INPP4A: variants seen among roughly 807,000 people sequenced by gnomAD.
The protein encoded by INPP4A is inositol polyphosphate-4-phosphatase, type I, 107kD.
Under a neutral mutation model 119.8 loss-of-function variants are expected in INPP4A, and 33 were observed. That is an observed-to-expected ratio of 0.28 (90% CI 0.21 to 0.37). The LOEUF is 0.37. Ranked by LOEUF, INPP4A falls within the 10% of genes least tolerant of loss-of-function variation. INPP4A has a pLI of 1.00. For missense variants in INPP4A, 956 were observed against 1,289.9 expected, an observed-to-expected ratio of 0.74 and a Z score of 3.97; for synonymous variants, 496 against 500.7, an observed-to-expected ratio of 0.99 and a Z score of 0.12.
chr2:98,535,372 C>T (rs990117370), intron 5 of INPP4A, among the ~76,000 whole-genome samples: 1 of 152,208 alleles, frequency 6.6e-6, no homozygotes, highest in African/African-American at 2.4e-5. Context: ...ACACATTACA[C>T]TTTAAGTTAT....
chr2:98,529,501 C>T (rs955569123), intron 4 of INPP4A, among the ~76,000 whole-genome samples: 6 of 151,986 alleles, frequency 3.9e-5, no homozygotes, highest in South Asian at 2.1e-4. Context: ...CTTTGGAGGC[C>T]GAGGCAGGTG....
chr2:98,466,921 T>G (rs1268011026), intron 1 of INPP4A, among the ~76,000 whole-genome samples: 3 of 152,222 alleles, frequency 2.0e-5, no homozygotes, highest in Admixed American at 2.0e-4. Context: ...GGATGTTCTC[T>G]TAGTCTGTTT....
At position 98,577,146 on chromosome 2, in the gene INPP4A, G is replaced by A; in HGVS notation, c.2786+3G>A. 1 of 1,601,004 alleles carries A rather than the reference G, an allele frequency of 6.2e-7. No homozygotes were observed. Among genetic ancestry groups the A allele is most frequent in the African/African-American group, 1.3e-5 (1 of 74,676 alleles). On this transcript the variant is annotated splice_donor_region_variant and intron_variant, in intron 24 of 24. Coordinates refer to ENST00000409851, the MANE Select transcript of INPP4A (RefSeq NM_001134225.2). ...CAGGCCCTGGAGTGCATGCGCAGGT[G>A]AGTGCCGCAGCCAGGCCGCGCGCCC...
Position 98,566,030 on chromosome 2 carries a change from G to A in INPP4A, c.2281G>A (p.Asp761Asn), listed in dbSNP as rs375661517. 8.8e-5 allele frequency: 141 copies of A among 1,605,492 alleles called. No homozygotes were observed. The African/African-American group carries it at 1.7e-3, about 20-fold the overall frequency. Residue 761 changes from aspartate (D) to asparagine (N), a missense_variant and splice_region_variant, in exon 21 of 25, where the codon GAC becomes AAC. Asp to Asn is a conservative substitution (Grantham distance 23, BLOSUM62 1). This residue lies in a region of INPP4A where 304 missense variants were observed against 492.1 expected (regional missense o/e 0.62). Coordinates refer to ENST00000409851, the MANE Select transcript of INPP4A (RefSeq NM_001134225.2). The surrounding 1 kb of genome is among the most constrained non-coding windows in gnomAD (Gnocchi z 4.2). ...DMLPVITGNRDGFNVRVPLPG... is the reference protein window; with the variant it reads ...DMLPVITGNRNGFNVRVPLPG... ...CTCCCTCTCTCCACCTTTCTCCAGC[G>A]ACGGGTTTAACGTGCGGGTCCCTCT...
At chr2:98,548,699 T>C (rs1347308469) in intron 13 of INPP4A, among the ~76,000 whole-genome samples, 4 of 152,210 alleles carry the variant, frequency 2.6e-5, no homozygotes, top group Admixed American at 2.6e-4. Context: ...TATTCATGAT[T>C]TGAACTTTCC....
At chr2:98,449,895 T>C (rs1302489884) in intron 1 of INPP4A, among the ~76,000 whole-genome samples, 1 of 152,240 alleles carries the variant, frequency 6.6e-6, no homozygotes, top group Non-Finnish European at 1.5e-5. Flanking sequence ...TTGTTTTAAT[T>C]GCATTTCCCA....
chr2:98,489,676 CCT>C (rs937264695), intron 1 of INPP4A, among the ~76,000 whole-genome samples: 1 of 152,146 alleles, frequency 6.6e-6, no homozygotes, highest in African/African-American at 2.4e-5. Context: ...CTTAATGCTT[CCT>C]CTTTGGCATA....
At chr2:98,587,385 A>G in intron 24 of INPP4A, 91 bp from the exon 25 acceptor site, 2 of 1,249,908 alleles carry the variant, frequency 1.6e-6, no homozygotes, top group Non-Finnish European at 2.2e-6. Flanking sequence ...TTTTAATGTT[A>G]TGAAAATGAT....
intron 23 of INPP4A, among the ~76,000 whole-genome samples, chr2:98,574,637 CAAA>C (rs79411642): frequency 9.9e-5 from 9 of 90,722 alleles, no homozygotes; most frequent in Admixed American, 1.2e-4. Context: ...GACTCCATCT[CAAA>C]AAAAAAAAAA....
chr2:98,529,568 A>G (rs949237838), intron 4 of INPP4A, among the ~76,000 whole-genome samples: 1 of 152,092 alleles, frequency 6.6e-6, no homozygotes, highest in African/African-American at 2.4e-5. Context: ...CCCCGTCTCT[A>G]CTAAAAAAAT....
chr2:98,476,984 TGGGGTATCTGATTGTCA>T (rs1250080378), intron 1 of INPP4A, among the ~76,000 whole-genome samples: 4 of 152,244 alleles, frequency 2.6e-5, no homozygotes, highest in Non-Finnish European at 5.9e-5. Context: ...GAAGAGCCTC[TGGGGTATCTGATTGTCA>T]GATGGGCTTA....
chr2:98,478,473 T>C (rs1002796089), intron 1 of INPP4A, among the ~76,000 whole-genome samples: 3 of 152,136 alleles, frequency 2.0e-5, no homozygotes, highest in African/African-American at 7.2e-5. Context: ...CCACCAGACC[T>C]GCGCTGCTGT....
intron 1 of INPP4A, among the ~76,000 whole-genome samples, chr2:98,462,515 A>AT (rs1386807232): frequency 1.3e-5 from 2 of 151,732 alleles, no homozygotes; most frequent in Non-Finnish European, 2.9e-5. Flanking sequence ...CAGACCTTTT[A>AT]TTTTTTTAAT....
At chr2:98,495,029 G>A (rs1187372762) in intron 1 of INPP4A, among the ~76,000 whole-genome samples, 1 of 151,990 alleles carries the variant, frequency 6.6e-6, no homozygotes, top group Non-Finnish European at 1.5e-5. Context: ...GGTGGGGAGG[G>A]GAATATACTT....
rs185937589 is a variant in INPP4A, at chr2:98,498,795, G to A, written c.-165-20169G>A. 3.0e-3 allele frequency among the ~76,000 whole-genome samples: 459 copies of A among 152,298 alleles called. 2 individuals are homozygous for A. The highest frequency in any genetic ancestry group is 0.01 in the Middle Eastern group (3 of 294). Reference sequence around the variant, plus strand: ...CATAGAACTGGTGTCCTTATAAGAAGAGACCTCATGAAAGAGATGACAGAG... The same window carrying A: ...CATAGAACTGGTGTCCTTATAAGAAAAGACCTCATGAAAGAGATGACAGAG... On this transcript the variant is annotated intron_variant, in intron 1 of 24. Transcript: ENST00000409851.
chr2:98,462,734 T>A (rs1162139810), intron 1 of INPP4A, among the ~76,000 whole-genome samples: 2 of 152,228 alleles, frequency 1.3e-5, no homozygotes, highest in East Asian at 3.9e-4. Flanking sequence ...TTGCCTAGGC[T>A]GGTATTGAAC....
intron 1 of INPP4A, among the ~76,000 whole-genome samples, chr2:98,512,618 A>G (rs1685335012): frequency 6.6e-6 from 1 of 151,946 alleles, no homozygotes; most frequent in Non-Finnish European, 1.5e-5. Flanking sequence ...TCGGGAATCC[A>G]CTCCCCTCAC....
At chr2:98,490,193 C>T (rs1429948977) in intron 1 of INPP4A, among the ~76,000 whole-genome samples, 1 of 151,942 alleles carries the variant, frequency 6.6e-6, no homozygotes, top group Non-Finnish European at 1.5e-5. Flanking sequence ...TGGAGAATGG[C>T]AGTGCCATTG....
intron 1 of INPP4A, among the ~76,000 whole-genome samples, chr2:98,488,098 A>T (rs934167135): frequency 1.3e-5 from 2 of 152,288 alleles, no homozygotes; most frequent in East Asian, 3.9e-4. Context: ...AGCTTTGGCC[A>T]CTGGGGGCTC....
Sources: allele counts gnomAD v4.1 joint callset (sites outside exome capture counted in the v4.1 genomes callset), GRCh38; gene constraint gnomAD v4.1.1; regional missense constraint gnomAD v4.1.1; non-coding constraint Gnocchi (gnomAD v3.1); transcripts MANE v1.5; gene names NCBI Gene and HGNC (gene_info 2026-07-23, HGNC 2026-07-21).